The following FSTL4 variants were observed in gnomAD, a reference collection of about 807,000 sequenced individuals.
FSTL4 encodes the protein follistatin-related protein 4.
In FSTL4, 28 loss-of-function variants were observed where a neutral mutation model predicts 78.2. The observed-to-expected ratio is 0.36, with a 90% confidence interval of 0.27 to 0.49. The LOEUF (loss-of-function observed/expected upper bound fraction) is 0.49, where lower values mean the gene tolerates loss of function less well. Ranked by LOEUF, FSTL4 falls within the 20% of genes least tolerant of loss-of-function variation. FSTL4 has a pLI of 0.98. For synonymous variants in FSTL4, 422 were observed against 440.5 expected (o/e 0.96, Z 0.53); for missense variants, 922 against 1,084.9 (o/e 0.85, Z 2.11).
At chr5:133,684,711 G>A in the FSTL4 span, among the ~76,000 whole-genome samples, 1 of 152,282 alleles carries the variant, frequency 6.6e-6, no homozygotes, top group Non-Finnish European at 1.5e-5. Flanking sequence ...TTCAAGAAAT[G>A]GGAAATTGTC....
the FSTL4 span, among the ~76,000 whole-genome samples, chr5:133,812,191 A>C: frequency 6.6e-6 from 1 of 152,104 alleles, no homozygotes; most frequent in Non-Finnish European, 1.5e-5. Flanking sequence ...CCACTGCGTC[A>C]TCCTTGTTCA....
the FSTL4 span, among the ~76,000 whole-genome samples, chr5:133,729,080 G>T: frequency 6.6e-5 from 10 of 152,164 alleles, no homozygotes; most frequent in African/African-American, 2.2e-4. Context: ...ACATGCTGAA[G>T]CTGAGAGGAA....
At chr5:133,787,029 C>T in the FSTL4 span, among the ~76,000 whole-genome samples, 1 of 152,138 alleles carries the variant, frequency 6.6e-6, no homozygotes, top group Non-Finnish European at 1.5e-5. Flanking sequence ...AGGTTCCCAA[C>T]CCCTGCACCA....
At chr5:133,536,529 A>G (rs1376815479) in intron 3 of FSTL4, among the ~76,000 whole-genome samples, 1 of 152,152 alleles carries the variant, frequency 6.6e-6, no homozygotes. Context: ...AATCAATGCC[A>G]TAATAAATAT....
At chr5:133,221,937 A>G (rs1751148438) in intron 11 of FSTL4, among the ~76,000 whole-genome samples, 1 of 76,040 alleles carries the variant, frequency 1.3e-5, no homozygotes. Context: ...TAGCATGCTG[A>G]GAAAACTGGT....
chr5:133,624,496 T>C, the FSTL4 span, among the ~76,000 whole-genome samples: 789 of 152,012 alleles, frequency 5.2e-3, 5 homozygotes, highest in African/African-American at 0.019. Flanking sequence ...TGAAAACGTT[T>C]TGAAACTAGC....
At chr5:133,337,648 A>G (rs1010632144) in intron 4 of FSTL4, among the ~76,000 whole-genome samples, 1 of 152,184 alleles carries the variant, frequency 6.6e-6, no homozygotes, top group Non-Finnish European at 1.5e-5. Context: ...TACCAGCAAT[A>G]ATTACATTTG....
At chr5:133,755,819 A>G in the FSTL4 span, among the ~76,000 whole-genome samples, 28 of 152,280 alleles carry the variant, frequency 1.8e-4, no homozygotes, top group Non-Finnish European at 3.5e-4. Context: ...TCTTTCTCAC[A>G]ACTGTCTCTC....
the FSTL4 span, among the ~76,000 whole-genome samples, chr5:133,836,918 C>T: frequency 2.6e-5 from 4 of 152,094 alleles, no homozygotes; most frequent in African/African-American, 9.7e-5. Flanking sequence ...CGTGATGTGT[C>T]TAGGTGTATT....
At chr5:133,675,479 G>C in the FSTL4 span, among the ~76,000 whole-genome samples, 3 of 152,234 alleles carry the variant, frequency 2.0e-5, no homozygotes, top group Non-Finnish European at 2.9e-5. Flanking sequence ...GTGGCCGTCA[G>C]GCAAGCCACT....
chr5:133,333,002 T>A (rs1413452739), intron 4 of FSTL4, among the ~76,000 whole-genome samples: 1 of 150,650 alleles, frequency 6.6e-6, no homozygotes, highest in Non-Finnish European at 1.5e-5. Context: ...CCTCTCTCTC[T>A]CTGTCTCTCT....
the FSTL4 span, among the ~76,000 whole-genome samples, chr5:133,799,709 C>T: frequency 0.015 from 2,054 of 139,248 alleles, 367 homozygotes; most frequent in African/African-American, 0.05. Flanking sequence ...CAGCTGGTAA[C>T]GCCTCCCCCT....
the FSTL4 span, among the ~76,000 whole-genome samples, chr5:133,659,979 G>T: frequency 6.6e-6 from 1 of 152,156 alleles, no homozygotes; most frequent in African/African-American, 2.4e-5. Flanking sequence ...GAGACAGAGA[G>T]AAATAAGTTG....
chr5:133,625,760 C>CATAT, the FSTL4 span, among the ~76,000 whole-genome samples: 20 of 18,466 alleles, frequency 1.1e-3, 3 homozygotes, highest in African/African-American at 2.0e-3. Context: ...ATATATATTC[C>CATAT]ATATATATTC....
At chr5:133,201,752 T>C (rs1234607648) in intron 15 of FSTL4, among the ~76,000 whole-genome samples, 181 bp downstream of exon 15, 1 of 152,202 alleles carries the variant, frequency 6.6e-6, no homozygotes, top group Non-Finnish European at 1.5e-5. Context: ...CCCCAAGCAA[T>C]GAGGACTAGG....
Position 133,361,856 on chromosome 5 carries a change from T to C in FSTL4, c.409+38882A>G, listed in dbSNP as rs1755078339. On this transcript the variant is annotated intron_variant, in intron 4 of 15. Transcript: ENST00000265342. The surrounding 1 kb of genome is among the most constrained non-coding windows in gnomAD (Gnocchi z 4.3). ...CATTTTGCATTGTATAAGACAGTCC[T>C]TCACAACAATACATTGTCACATGCC... is the stretch of plus-strand genomic sequence containing the variant. Among the ~76,000 whole-genome samples, 3 of 152,240 alleles carry C rather than the reference T, an allele frequency of 2.0e-5. No individual in the cohort carries two copies. The highest frequency in any genetic ancestry group is 2.0e-4 in the Admixed American group (3 of 15,278).
At chr5:133,433,037 C>T (rs745343128) in intron 3 of FSTL4, among the ~76,000 whole-genome samples, 7 of 152,360 alleles carry the variant, frequency 4.6e-5, no homozygotes, top group Non-Finnish European at 1.0e-4. Context: ...TCTGGCTCCT[C>T]TATTCTCTCT....
intron 3 of FSTL4, among the ~76,000 whole-genome samples, chr5:133,419,286 AT>A (rs1327613176): frequency 2.6e-5 from 4 of 151,936 alleles, no homozygotes; most frequent in African/African-American, 7.3e-5. Context: ...TGCCCAGCTA[AT>A]TTTTGTATTT....
chr5:133,791,888 C>T, the FSTL4 span, among the ~76,000 whole-genome samples: 1 of 152,244 alleles, frequency 6.6e-6, no homozygotes, highest in Non-Finnish European at 1.5e-5. Flanking sequence ...ATGGCCTGTC[C>T]TACATTCCCA....
Sources: gnomAD v4.1 joint callset for allele counts (sites outside exome capture counted in the v4.1 genomes callset) on GRCh38, gnomAD v4.1.1 for gene constraint, Gnocchi (gnomAD v3.1) non-coding constraint, MANE v1.5 for transcripts, NCBI Gene and HGNC (gene_info 2026-07-23, HGNC 2026-07-21) for gene names.